CAPZA2: variants seen among roughly 807,000 people sequenced by gnomAD.
CAPZA2 encodes capping actin protein of muscle Z-line subunit alpha 2, also known as F-actin-capping protein subunit alpha-2.
CAPZA2 carries 13 observed loss-of-function variants against 44.0 expected under a neutral mutation model. That is an observed-to-expected ratio of 0.30 (90% confidence interval 0.19 to 0.47). The LOEUF (loss-of-function observed/expected upper bound fraction) is 0.47, where lower values mean the gene tolerates loss of function less well. Among genes scored for constraint, CAPZA2 ranks in the 20% least tolerant of loss-of-function variants. The probability of loss-of-function intolerance (pLI) is 1.00; values close to 1 mark genes in which losing one functional copy is unlikely to be tolerated. For missense variants in CAPZA2, 244 were observed against 338.6 expected (o/e 0.72, Z 2.19); for synonymous variants, 94 against 108.2 (o/e 0.87, Z 0.81).
At chr7:116,869,455 T>C (rs1382152803) in intron 1 of CAPZA2, among the ~76,000 whole-genome samples, 1 of 152,246 alleles carries the variant, frequency 6.6e-6, no homozygotes. Flanking sequence ...CCATCTTCAT[T>C]CATTTACTAA....
intron 3 of CAPZA2, among the ~76,000 whole-genome samples, chr7:116,893,271 C>T (rs1796875143): frequency 6.6e-6 from 1 of 152,106 alleles, no homozygotes. Flanking sequence ...GCTGGGACTA[C>T]AGGCGCGCAC....
At chr7:116,893,754 C>T (rs1796882584) in intron 3 of CAPZA2, among the ~76,000 whole-genome samples, 1 of 152,104 alleles carries the variant, frequency 6.6e-6, no homozygotes, top group Non-Finnish European at 1.5e-5. Context: ...TCATAAATGC[C>T]TAACGTAGTA....
intron 1 of CAPZA2, among the ~76,000 whole-genome samples, chr7:116,869,864 T>C (rs1424097757): frequency 6.6e-6 from 1 of 150,942 alleles, no homozygotes; most frequent in Non-Finnish European, 1.5e-5. Flanking sequence ...CACACTTGTT[T>C]TTTTTGTTTT....
intron 1 of CAPZA2, among the ~76,000 whole-genome samples, chr7:116,881,881 C>T (rs1452058312): frequency 6.6e-6 from 1 of 151,782 alleles, no homozygotes; most frequent in Non-Finnish European, 1.5e-5. Context: ...AGTTTCTCAG[C>T]ATTGTTTATT....
At chr7:116,893,967 ACTC>A (rs1218063638) in intron 3 of CAPZA2, among the ~76,000 whole-genome samples, 1 of 152,186 alleles carries the variant, frequency 6.6e-6, no homozygotes, top group Non-Finnish European at 1.5e-5. Flanking sequence ...CGATTCTACT[ACTC>A]ATTTGAAAAT....
chr7:116,890,561 TATATATACAC>T (rs1796827595), intron 2 of CAPZA2, among the ~76,000 whole-genome samples: 9 of 12,584 alleles, frequency 7.2e-4, no homozygotes, highest in Admixed American at 2.4e-3. Flanking sequence ...TATATATATA[TATATATACAC>T]ATATATATAT....
chr7:116,904,408 G>T (rs902707523), intron 5 of CAPZA2, 25 bp downstream of exon 5: 2 of 1,451,574 alleles, frequency 1.4e-6, no homozygotes, highest in Non-Finnish European at 1.9e-6. Context: ...GCAGCTTTGT[G>T]TGTGTGTTTT....
chr7:116,901,212 G>A (rs778286731), intron 4 of CAPZA2, among the ~76,000 whole-genome samples: 2 of 152,098 alleles, frequency 1.3e-5, no homozygotes, highest in Non-Finnish European at 2.9e-5. Flanking sequence ...GCTCACATAT[G>A]TTCATTACAG....
At chr7:116,876,957 C>G (rs1371008845) in intron 1 of CAPZA2, among the ~76,000 whole-genome samples, 1 of 152,112 alleles carries the variant, frequency 6.6e-6, no homozygotes, top group Non-Finnish European at 1.5e-5. Flanking sequence ...AGGACGTGAT[C>G]CATTCATTGT....
At chr7:116,898,021 A>G (rs1360955854) in intron 3 of CAPZA2, among the ~76,000 whole-genome samples, 2 of 152,120 alleles carry the variant, frequency 1.3e-5, no homozygotes, top group Non-Finnish European at 1.5e-5. Flanking sequence ...AGTTCATTTC[A>G]GTAAGTATAA....
chr7:116,880,023 A>G (rs1440114895), intron 1 of CAPZA2: 4 of 451,422 alleles, frequency 8.9e-6, no homozygotes, highest in Admixed American at 8.2e-5. Context: ...ATGGGAGTAT[A>G]TAGGCAGTTT....
In CAPZA2 at chr7:116,920,235, CCTCTGTCTCAAAATAATAATAATA is replaced by C. The variant is rs1029289442; in HGVS notation, c.*2369_*2392del. On this transcript the variant is annotated 3_prime_UTR_variant, in exon 10 of 10. Transcript: ENST00000361183. ...ACTCCAGCCTGGGTGACACAGGGAG[CCTCTGTCTCAAAATAATAATAATA>C]ATAAAAGAATGGCATTTATTAAAGT... The C allele has an allele frequency of 6.8e-6, 1 of 147,154 alleles. No individual in the cohort carries two copies. The highest frequency in any genetic ancestry group is 1.5e-5 in the Non-Finnish European group (1 of 66,276). 9.1% of individuals were successfully genotyped at this position (147,154 alleles called of 1,614,324 possible).
chr7:116,877,760 A>G (rs1216325664), intron 1 of CAPZA2, among the ~76,000 whole-genome samples: 3 of 152,208 alleles, frequency 2.0e-5, no homozygotes, highest in Non-Finnish European at 4.4e-5. Flanking sequence ...ATATCATGCT[A>G]AAGATTTTGA....
intron 3 of CAPZA2, among the ~76,000 whole-genome samples, chr7:116,897,299 A>G (rs1796940873): frequency 6.6e-6 from 1 of 152,174 alleles, no homozygotes; most frequent in Non-Finnish European, 1.5e-5. Context: ...TTCTTAGGAA[A>G]ATTACAGTTT....
At chr7:116,882,240 CCTTGATGATTTTTTG>C (rs1220067344) in intron 1 of CAPZA2, among the ~76,000 whole-genome samples, 4 of 152,086 alleles carry the variant, frequency 2.6e-5, no homozygotes, top group Non-Finnish European at 1.5e-5. Context: ...CTTTAGCCTC[CCTTGATGATTTTTTG>C]CTTGCTAGAA....
intron 3 of CAPZA2, among the ~76,000 whole-genome samples, chr7:116,893,595 T>C (rs1185817018): frequency 6.6e-6 from 1 of 152,242 alleles, no homozygotes; most frequent in Admixed American, 6.5e-5. Flanking sequence ...TGTCTAGCGG[T>C]GCCTTATACA....
chr7:116,902,736 C>T (rs1797012826), intron 4 of CAPZA2, among the ~76,000 whole-genome samples: 1 of 152,012 alleles, frequency 6.6e-6, no homozygotes, highest in Non-Finnish European at 1.5e-5. Context: ...CTCATTTCAC[C>T]TTTTTTGTTG....
chr7:116,890,601 C>G (rs866623707), intron 2 of CAPZA2, among the ~76,000 whole-genome samples: 1 of 62,842 alleles, frequency 1.6e-5, no homozygotes, highest in East Asian at 5.7e-4. Flanking sequence ...TATATATACA[C>G]ACACACACAC....
chr7:116,881,150 T>C (rs988335236), intron 1 of CAPZA2, among the ~76,000 whole-genome samples: 1 of 152,186 alleles, frequency 6.6e-6, no homozygotes, highest in Admixed American at 6.5e-5. Context: ...CTGCTAATAT[T>C]ATTGAATATT....
Sources: allele counts gnomAD v4.1 joint callset (sites outside exome capture counted in the v4.1 genomes callset), GRCh38; gene constraint gnomAD v4.1.1; transcripts MANE v1.5; gene names NCBI Gene and HGNC (gene_info 2026-07-23, HGNC 2026-07-21).